RGS7: variants seen among roughly 807,000 people sequenced by gnomAD.
The protein encoded by RGS7 is regulator of G protein signaling 7, also known as regulator of G-protein signaling 7.
A neutral mutation model predicts 81.1 loss-of-function variants in RGS7; 27 were observed. The ratio of observed to expected loss-of-function variants is 0.33; its 90% CI spans 0.25 to 0.46. RGS7 has a LOEUF of 0.46. Ranked by LOEUF, RGS7 falls within the 20% of genes least tolerant of loss-of-function variation. The pLI is 1.00. For missense variants in RGS7, 396 were observed against 607.4 expected, an observed-to-expected ratio of 0.65 and a Z score of 3.66; for synonymous variants, 208 against 207.7, an observed-to-expected ratio of 1.00 and a Z score of -0.01.
chr1:241,053,051 C>T (rs748646729), intron 3 of RGS7, among the ~76,000 whole-genome samples: 2 of 152,108 alleles, frequency 1.3e-5, no homozygotes, highest in Non-Finnish European at 2.9e-5. Context: ...CTAAAGCAAT[C>T]ACACTGAAAA....
intron 2 of RGS7, among the ~76,000 whole-genome samples, chr1:241,293,478 C>G (rs1351430177): frequency 6.6e-6 from 1 of 152,098 alleles, no homozygotes; most frequent in Admixed American, 6.6e-5. Flanking sequence ...ATGCCTATTA[C>G]TGCCTCTGAA....
chr1:240,833,989 G>C (rs570279927), intron 9 of RGS7, among the ~76,000 whole-genome samples: 3 of 152,058 alleles, frequency 2.0e-5, no homozygotes, highest in African/African-American at 7.2e-5. Flanking sequence ...GTCTTGCTCC[G>C]TTGCCCAGGC....
At chr1:240,906,141 A>C (rs2148222410) in intron 6 of RGS7, among the ~76,000 whole-genome samples, 1 of 152,164 alleles carries the variant, frequency 6.6e-6, no homozygotes, top group Non-Finnish European at 1.5e-5. Context: ...AGGAACTCTA[A>C]GCAAATATCT....
chr1:241,038,915 T>C (rs751061355), intron 3 of RGS7, among the ~76,000 whole-genome samples: 5 of 151,888 alleles, frequency 3.3e-5, no homozygotes, highest in Non-Finnish European at 7.4e-5. Flanking sequence ...TGCAGTGAGC[T>C]GTGATCGCAC....
At chr1:241,097,770 T>C (rs1001893768) in intron 3 of RGS7, among the ~76,000 whole-genome samples, 5 of 152,158 alleles carry the variant, frequency 3.3e-5, no homozygotes, top group Non-Finnish European at 5.9e-5. Context: ...CTTATTACTC[T>C]TCCTTGTGTC....
At chr1:241,354,237 C>T (rs984424898) in intron 2 of RGS7, among the ~76,000 whole-genome samples, 2 of 152,136 alleles carry the variant, frequency 1.3e-5, no homozygotes, top group African/African-American at 4.8e-5. Flanking sequence ...GAACTCCCCC[C>T]AAAATATTTC....
chr1:240,960,217 C>CTTTTTT (rs750366747), intron 4 of RGS7, among the ~76,000 whole-genome samples: 2 of 8,956 alleles, frequency 2.2e-4, no homozygotes, highest in African/African-American at 3.8e-4. Context: ...TCTTCTTCTT[C>CTTTTTT]TTTTTTTTTT....
intron 2 of RGS7, among the ~76,000 whole-genome samples, chr1:241,280,681 G>A (rs2078451840): frequency 6.6e-6 from 1 of 152,098 alleles, no homozygotes; most frequent in African/African-American, 2.4e-5. Context: ...TTGTTTGTTT[G>A]ATAGAGACAG....
intron 2 of RGS7, among the ~76,000 whole-genome samples, chr1:241,284,579 G>A (rs148462582): frequency 4.1e-4 from 63 of 152,326 alleles, no homozygotes; most frequent in African/African-American, 1.5e-3. Flanking sequence ...GTCAGGTGGA[G>A]ATTCAAGTCC....
At position 241,280,176 on chromosome 1, in the gene RGS7, T is replaced by C. The variant is rs76147060; in HGVS notation, c.78+75523A>G. 2.8e-4 allele frequency among the ~76,000 whole-genome samples: 42 copies of C among 152,190 alleles called. 1 individual carries two copies. In the East Asian group the frequency reaches 7.7e-3, roughly 28 times the overall value. ...TCTAATCCAATGTGACTGGTGTCCA[T>C]ATAAAAAGGGGAAATTTGGACACAG... On this transcript the variant is annotated intron_variant, in intron 2 of 18. Coordinates refer to ENST00000440928, the MANE Select transcript of RGS7 (RefSeq NM_001364886.1).
chr1:241,190,066 G>T (rs574106789), intron 2 of RGS7, among the ~76,000 whole-genome samples: 11 of 151,968 alleles, frequency 7.2e-5, no homozygotes, highest in South Asian at 2.1e-4. Context: ...TGGCGCCACT[G>T]CACTCCAGCC....
At chr1:241,291,296 G>C (rs997164294) in intron 2 of RGS7, among the ~76,000 whole-genome samples, 25 of 151,460 alleles carry the variant, frequency 1.7e-4, no homozygotes, top group African/African-American at 5.6e-4. Flanking sequence ...TTGTCAATGT[G>C]TGGTTTTTAT....
chr1:240,974,854 G>A (rs1683815944), intron 4 of RGS7, among the ~76,000 whole-genome samples: 1 of 151,708 alleles, frequency 6.6e-6, no homozygotes, highest in Admixed American at 6.6e-5. Context: ...CTTGCATGTT[G>A]ATTCTTTTAA....
At chr1:241,263,537 C>T (rs2077443983) in intron 2 of RGS7, among the ~76,000 whole-genome samples, 1 of 152,266 alleles carries the variant, frequency 6.6e-6, no homozygotes, top group South Asian at 2.1e-4. Context: ...GAAACCAGTA[C>T]TTATTGCATT....
chr1:241,206,959 G>GTT (rs1316377329), intron 2 of RGS7, among the ~76,000 whole-genome samples: 1 of 116,386 alleles, frequency 8.6e-6, no homozygotes, highest in Non-Finnish European at 1.7e-5. Flanking sequence ...TTCTCTCTCT[G>GTT]GTTTTTTTTT....
In RGS7 at chr1:241,263,234, G is replaced by A. The variant is rs572997254; in HGVS notation, c.78+92465C>T. Reference sequence around the variant, plus strand: ...AGAGGTTGCAGTGACCCGAGATCTCGCCACTGCACCCCAGCCTGGGTGACA... The same window carrying A: ...AGAGGTTGCAGTGACCCGAGATCTCACCACTGCACCCCAGCCTGGGTGACA... On this transcript the variant is annotated intron_variant, in intron 2 of 18. Coordinates refer to ENST00000440928, the MANE Select transcript of RGS7 (RefSeq NM_001364886.1). Among the ~76,000 whole-genome samples the A allele has an allele frequency of 7.3e-5, 11 of 151,146 alleles. No homozygotes were observed. In the East Asian group the frequency reaches 1.6e-3, roughly 21 times the overall value.
chr1:241,195,473 T>C (rs1044463037), intron 2 of RGS7, among the ~76,000 whole-genome samples: 1 of 151,256 alleles, frequency 6.6e-6, no homozygotes. Flanking sequence ...CAAGACTCCA[T>C]CTAAAATAAA....
At chr1:240,987,673 G>C (rs1685876941) in intron 3 of RGS7, among the ~76,000 whole-genome samples, 1 of 151,522 alleles carries the variant, frequency 6.6e-6, no homozygotes, top group Non-Finnish European at 1.5e-5. Flanking sequence ...ACAGGTGTGA[G>C]CCACCATGCC....
chr1:241,138,213 C>T (rs1176867000), intron 2 of RGS7, among the ~76,000 whole-genome samples: 1 of 146,860 alleles, frequency 6.8e-6, no homozygotes, highest in Non-Finnish European at 1.5e-5. Context: ...TAGGGAATAA[C>T]AAACTAAACC....
Sources: gnomAD v4.1 joint callset for allele counts (sites outside exome capture counted in the v4.1 genomes callset) on GRCh38, gnomAD v4.1.1 for gene constraint, MANE v1.5 for transcripts, NCBI Gene and HGNC (gene_info 2026-07-23, HGNC 2026-07-21) for gene names.